Variants in MARCHF1 observed in about 807,000 individuals in gnomAD.
MARCHF1 encodes the protein membrane associated ring-CH-type finger 1.
A neutral mutation model predicts 54.2 loss-of-function variants in MARCHF1; 40 were observed. The observed-to-expected ratio is 0.74, with a 90% CI of 0.57 to 0.96. The LOEUF is 0.96. Ranked by LOEUF, MARCHF1 falls within the 40% of genes least tolerant of loss-of-function variation. The pLI is 0.00. For missense variants in MARCHF1, 586 were observed against 656.5 expected, an observed-to-expected ratio of 0.89 and a Z score of 1.17; for synonymous variants, 236 against 236.3, an observed-to-expected ratio of 1.00 and a Z score of 0.01.
chr4:164,213,045 CCTGCATATATATTA>C (rs1046911166), intron 1 of MARCHF1, among the ~76,000 whole-genome samples: 54 of 151,784 alleles, frequency 3.6e-4, no homozygotes, highest in African/African-American at 1.3e-3. Context: ...AAATGACAAG[CCTGCATATATATTA>C]CTGCATATAT....
intron 1 of MARCHF1, among the ~76,000 whole-genome samples, chr4:164,199,631 G>GTCAC (rs1553991206): frequency 1.0e-5 from 1 of 97,900 alleles, no homozygotes; most frequent in Admixed American, 1.2e-4. Flanking sequence ...GCAGGACTCT[G>GTCAC]TCACACACAC....
At chr4:163,838,196 A>G (rs1749241933) in intron 4 of MARCHF1, among the ~76,000 whole-genome samples, 1 of 152,142 alleles carries the variant, frequency 6.6e-6, no homozygotes, top group Admixed American at 6.5e-5. Context: ...TGAAAATACC[A>G]AAATCCATGG....
chr4:163,745,356 A>C (rs1397421501), intron 4 of MARCHF1, among the ~76,000 whole-genome samples: 3 of 151,680 alleles, frequency 2.0e-5, no homozygotes, highest in South Asian at 4.2e-4. Flanking sequence ...CTTGTGATCC[A>C]CCGGCCTCAG....
chr4:163,996,138 T>C (rs1446519440), intron 2 of MARCHF1, among the ~76,000 whole-genome samples: 17 of 151,966 alleles, frequency 1.1e-4, no homozygotes, highest in Non-Finnish European at 2.9e-5. Flanking sequence ...TCTCATCATA[T>C]TTTTATTCTC....
At chr4:163,638,242 TA>T (rs34535913) in intron 5 of MARCHF1, among the ~76,000 whole-genome samples, 104 of 131,828 alleles carry the variant, frequency 7.9e-4, no homozygotes, top group South Asian at 3.3e-3. Context: ...TAAAGTATAA[TA>T]AAAAAAAAAA....
chr4:164,014,190 C>CAA (rs70948689), intron 2 of MARCHF1, among the ~76,000 whole-genome samples: 22,142 of 112,904 alleles, frequency 0.2, 1,953 homozygotes, highest in South Asian at 0.26. Context: ...GACTGCATCT[C>CAA]AAAAAAAAAA....
intron 1 of MARCHF1, among the ~76,000 whole-genome samples, chr4:164,289,418 A>G (rs1734231500): frequency 6.6e-6 from 1 of 151,970 alleles, no homozygotes; most frequent in African/African-American, 2.4e-5. Context: ...TAAACCTGAA[A>G]TACATTAATC....
At chr4:164,046,873 A>G (rs1166784735) in intron 2 of MARCHF1, among the ~76,000 whole-genome samples, 1 of 152,180 alleles carries the variant, frequency 6.6e-6, no homozygotes, top group Non-Finnish European at 1.5e-5. Context: ...TCTGTTTAAG[A>G]GAAAGGAATA....
intron 5 of MARCHF1, among the ~76,000 whole-genome samples, chr4:163,668,195 G>A (rs1743609029): frequency 2.6e-5 from 4 of 152,084 alleles, no homozygotes. Flanking sequence ...AGTTTTGTGG[G>A]CATAGTCCAA....
chr4:163,730,160 T>C (rs1206910393), intron 4 of MARCHF1, among the ~76,000 whole-genome samples: 1 of 152,156 alleles, frequency 6.6e-6, no homozygotes, highest in Non-Finnish European at 1.5e-5. Context: ...TTCTGTCTGT[T>C]CAAAACTGCC....
intron 4 of MARCHF1, among the ~76,000 whole-genome samples, chr4:163,815,052 T>C (rs1214963146): frequency 1.3e-5 from 2 of 152,168 alleles, no homozygotes; most frequent in Non-Finnish European, 2.9e-5. Flanking sequence ...GGTTTGTTTA[T>C]CTAGAAAGTA....
In MARCHF1 at chr4:164,109,912, TAAAA is replaced by T. The variant is rs57433858; in HGVS notation, c.-248+1672_-248+1675del. On this transcript the variant is annotated intron_variant, in intron 2 of 9. Transcript: ENST00000514618. ...CATACCCCTGAACCTAAAATAAAAGTAAAAAAAAAAAAAAAAAAAAAAAAGAAAA... is the reference window on the plus strand; with the variant it reads ...CATACCCCTGAACCTAAAATAAAAGTAAAAAAAAAAAAAAAAAAAAGAAAA... 5.6e-3 allele frequency among the ~76,000 whole-genome samples: 352 copies of T among 63,142 alleles called. 3 individuals carry two copies. Among genetic ancestry groups the T allele is most frequent in the Non-Finnish European group, 7.9e-3 (290 of 36,912 alleles). The allele number at this position is 63,142 out of a possible 152,430, so 41.4% of individuals were successfully genotyped here. A position where few individuals can be genotyped will look rare whatever the true frequency, so the allele number is the denominator to read the frequency against.
intron 1 of MARCHF1, among the ~76,000 whole-genome samples, chr4:164,247,991 A>G (rs1473747805): frequency 1.3e-5 from 2 of 151,756 alleles, no homozygotes; most frequent in East Asian, 1.9e-4. Flanking sequence ...ACACTGTCTC[A>G]TAATACTCCA....
intron 1 of MARCHF1, among the ~76,000 whole-genome samples, chr4:164,249,970 T>G (rs1733076647): frequency 6.6e-6 from 1 of 152,118 alleles, no homozygotes. Flanking sequence ...TACATTTCTA[T>G]GCATATTACT....
chr4:164,269,610 T>C (rs1222158083), intron 1 of MARCHF1, among the ~76,000 whole-genome samples: 1 of 152,196 alleles, frequency 6.6e-6, no homozygotes, highest in South Asian at 2.1e-4. Flanking sequence ...TACATTGACA[T>C]TGTTATCATG....
chr4:164,047,948 C>A (rs1579489160), intron 2 of MARCHF1, among the ~76,000 whole-genome samples: 1 of 152,072 alleles, frequency 6.6e-6, no homozygotes. Flanking sequence ...TTCTATGTAA[C>A]CAACATTTTT....
At chr4:163,998,998 C>T (rs1753133759) in intron 2 of MARCHF1, among the ~76,000 whole-genome samples, 1 of 151,578 alleles carries the variant, frequency 6.6e-6, no homozygotes, top group Non-Finnish European at 1.5e-5. Context: ...ATGGTAGTTA[C>T]AGTTTTCAAT....
chr4:164,200,690 G>C (rs1409635705), intron 1 of MARCHF1, among the ~76,000 whole-genome samples: 1 of 152,168 alleles, frequency 6.6e-6, no homozygotes, highest in Non-Finnish European at 1.5e-5. Flanking sequence ...AAATAAGAGA[G>C]AAATATCCCT....
chr4:163,765,583 C>T (rs938394821), intron 4 of MARCHF1, among the ~76,000 whole-genome samples: 2 of 151,918 alleles, frequency 1.3e-5, no homozygotes, highest in Non-Finnish European at 2.9e-5. Flanking sequence ...AAATTGTGTG[C>T]TACACATTCT....
Sources: gnomAD v4.1 joint callset for allele counts (sites outside exome capture counted in the v4.1 genomes callset) on GRCh38, gnomAD v4.1.1 for gene constraint, MANE v1.5 for transcripts, NCBI Gene and HGNC (gene_info 2026-07-23, HGNC 2026-07-21) for gene names.